The following ZNF28 variants were observed in gnomAD, a reference collection of about 807,000 sequenced individuals.
ZNF28 encodes zinc finger protein 28.
In ZNF28, 5 loss-of-function variants were observed where a neutral mutation model predicts 7.2. That is an observed-to-expected ratio of 0.70 (90% CI 0.36 to 1.46). The LOEUF is 1.46. Among genes scored for constraint, ZNF28 ranks in the 40% most tolerant of loss-of-function variants. The pLI is 0.03. For missense variants in ZNF28, 879 were observed against 866.6 expected (o/e 1.01, Z -0.18); for synonymous variants, 288 against 292.4 (o/e 0.99, Z 0.15).
chr19:52,806,182 C>G (rs2062934654), intron 3 of ZNF28, among the ~76,000 whole-genome samples: 1 of 112,874 alleles, frequency 8.9e-6, no homozygotes, highest in African/African-American at 3.1e-5. Context: ...GTCATTTTTG[C>G]AGGTTACAGA....
rs1290572114 is a variant in ZNF28 at position 52,798,176 on chromosome 19, C to T, written c.*1512G>A. ...GAAAGAAAGAATAGAAATGAAAACA[C>T]AGGCTGGGAAAAGTGGCTCCCGTCT... On this transcript the variant is annotated 3_prime_UTR_variant, in exon 4 of 4. Transcript: ENST00000457749. 3 of 156,930 alleles carry T rather than the reference C, an allele frequency of 1.9e-5. No individual in the cohort carries two copies. Among genetic ancestry groups the T allele is most frequent in the Non-Finnish European group, 4.2e-5 (3 of 71,466 alleles). The allele number at this position is 156,930 out of a possible 1,614,324, so 9.7% of individuals were successfully genotyped here.
At chr19:52,810,234 A>G in intron 2 of ZNF28, 1 of 1,168,630 alleles carries the variant, frequency 8.6e-7, no homozygotes, top group Non-Finnish European at 1.3e-6. Context: ...GAAGCAGAGG[A>G]ATATGAGTCT....
Position 52,811,399 on chromosome 19 carries a change from A to G in ZNF28, c.16-3266T>C, listed in dbSNP as rs1364413869. Among the ~76,000 whole-genome samples, 6 of 133,644 alleles carry G rather than the reference A, an allele frequency of 4.5e-5. 1 individual carries two copies. The highest frequency in any genetic ancestry group is 3.6e-4 in the Admixed American group (5 of 13,968). The allele number at this position is 133,644 out of a possible 152,430, so 87.7% of individuals were successfully genotyped here. ...CCCTCTGCCTGGCTGCCCAGTCTGG[A>G]AAGTGAGGAGCGTCTCTGCCCGGCC... On this transcript the variant is annotated intron_variant, in intron 2 of 3. Transcript: ENST00000457749.
At position 52,809,916 on chromosome 19, in the gene ZNF28, G is replaced by A. The variant is rs370694307; in HGVS notation, c.16-1783C>T. 113 of 845,610 alleles carry A rather than the reference G, an allele frequency of 1.3e-4. No individual in the cohort carries two copies. The African/African-American group carries it at 1.5e-3, about 11-fold the overall frequency. The allele number at this position is 845,610 out of a possible 1,614,324, so 52.4% of individuals were successfully genotyped here. ...GGGGCGGCGCCATCTTGTGCCCGGGGCCGGTGGGGAGGCCGGGGAGGTTGC... is the reference window on the plus strand; with the variant it reads ...GGGGCGGCGCCATCTTGTGCCCGGGACCGGTGGGGAGGCCGGGGAGGTTGC... On this transcript the variant is annotated intron_variant, in intron 2 of 3. Coordinates refer to ENST00000457749, the MANE Select transcript of ZNF28 (RefSeq NM_006969.5).
intron 3 of ZNF28, among the ~76,000 whole-genome samples, chr19:52,804,563 G>T (rs2062913043): frequency 6.6e-6 from 1 of 152,144 alleles, no homozygotes. Context: ...TAGAGACAGG[G>T]TTTCACCATA....
rs1315602286 is a variant in ZNF28, at chr19:52,801,101, A to G, written c.744T>C (p.Tyr248=). The change falls in exon 4 of 4, where the codon TAT becomes TAC. Residue 248 remains tyrosine (Y), a synonymous_variant. Transcript: ENST00000457749. ...ATCGCTTCTGATTAAATACCTTGCC[A>G]TATACATCACATTTACATTGTTTCT... ...LEEKQCKCDV[Y]GKVFNQKRYL... 1.2e-6 allele frequency: 2 copies of G among 1,614,052 alleles called. No homozygotes were observed. Among genetic ancestry groups the G allele is most frequent in the Non-Finnish European group, 1.7e-6 (2 of 1,180,034 alleles).
rs773872975 is a variant in ZNF28 at position 52,801,546 on chromosome 19, T to C, written c.299A>G (p.Gln100Arg). 5 of 1,614,072 alleles carry C rather than the reference T, an allele frequency of 3.1e-6. No individual in the cohort carries two copies. Among genetic ancestry groups the C allele is most frequent in the Admixed American group, 3.3e-5 (2 of 59,998 alleles). Residue 100 changes from glutamine (Q) to arginine (R), a missense_variant, in exon 4 of 4, where the codon CAG becomes CGG. By Grantham distance (43) the Gln-to-Arg change is conservative. Around this residue, in one of 2 missense-constraint regions of ZNF28, gnomAD observed 864 missense variants for 830.2 expected, o/e 1.04. Transcript: ENST00000457749. ...GTCATTTGTTTCATCTTCTTTCCAC[T>C]GAAACTGGAAGCCATGAATGTCTTT... ...IEKDIHGFQF[Q>R]WKEDETNDHA...
At chr19:52,813,712 G>A (rs1163895788) in intron 2 of ZNF28, among the ~76,000 whole-genome samples, 1 of 139,176 alleles carries the variant, frequency 7.2e-6, no homozygotes, top group Admixed American at 7.5e-5. Flanking sequence ...GAGTGTCTTT[G>A]TTTACAGGTT....
intron 3 of ZNF28, among the ~76,000 whole-genome samples, chr19:52,804,631 A>C (rs2062913955): frequency 6.6e-6 from 1 of 152,198 alleles, no homozygotes; most frequent in Non-Finnish European, 1.5e-5. Context: ...GCAGTCTCCC[A>C]AAGTGCCAGG....
chr19:52,811,143 C>G (rs1317974196), intron 2 of ZNF28, among the ~76,000 whole-genome samples: 2 of 150,934 alleles, frequency 1.3e-5, no homozygotes. Flanking sequence ...ATCCGCCAGC[C>G]TCGGCCTCCC....
intron 1 of ZNF28, 142 bp downstream of exon 1, chr19:52,821,444 C>G (rs977572155): frequency 1.3e-5 from 2 of 152,240 alleles, no homozygotes; most frequent in African/African-American, 4.8e-5. Flanking sequence ...GGCTTCCGGA[C>G]TCCCAGTAGA....
chr19:52,805,389 C>G (rs1161576652), intron 3 of ZNF28: 1 of 151,978 alleles, frequency 6.6e-6, no homozygotes, highest in Non-Finnish European at 1.5e-5. Context: ...CTTTGGGAGG[C>G]TGAGGCTGGC....
Position 52,799,429 on chromosome 19 carries a change from C to A in ZNF28, c.*259G>T. The A allele has an allele frequency of 1.4e-6, 1 of 727,806 alleles. No individual in the cohort carries two copies. The highest frequency in any genetic ancestry group is 2.3e-6 in the Non-Finnish European group (1 of 430,526). The allele number at this position is 727,806 out of a possible 1,614,324, so 45.1% of individuals were successfully genotyped here. On this transcript the variant is annotated 3_prime_UTR_variant, in exon 4 of 4. Transcript: ENST00000457749. The stretch of plus-strand genomic sequence containing the variant: ...CAACCGAAAACTTTGTCACATTCTT[C>A]CTATTTGTAAAGTTTCTCTGCAGTA...
At chr19:52,812,933 A>G (rs1032730085) in intron 2 of ZNF28, among the ~76,000 whole-genome samples, 3 of 151,586 alleles carry the variant, frequency 2.0e-5, no homozygotes, top group African/African-American at 7.3e-5. Context: ...TGCTCACTGG[A>G]TAGCAGGTGA....
At chr19:52,812,388 G>C (rs1368123611) in intron 2 of ZNF28, among the ~76,000 whole-genome samples, 1 of 138,416 alleles carries the variant, frequency 7.2e-6, no homozygotes, top group Non-Finnish European at 1.5e-5. Flanking sequence ...GATAGAAGTA[G>C]ACATGGGAGA....
intron 1 of ZNF28, 82 bp from the exon 2 acceptor site, chr19:52,818,113 T>A: frequency 3.7e-6 from 5 of 1,356,442 alleles, no homozygotes; most frequent in Non-Finnish European, 5.0e-6. Flanking sequence ...CAAAGGAGAC[T>A]TCACCTTGAG....
In ZNF28 at chr19:52,798,778, C is replaced by G. The variant is rs756491252; in HGVS notation, c.*910G>C. 55 of 694,518 alleles carry G rather than the reference C, an allele frequency of 7.9e-5. No individual in the cohort carries two copies. Among genetic ancestry groups the G allele is most frequent in the Non-Finnish European group, 1.3e-4 (51 of 407,476 alleles). The allele number at this position is 694,518 out of a possible 1,614,324, so 43.0% of individuals were successfully genotyped here. A position where few individuals can be genotyped will look rare whatever the true frequency, so the allele number is the denominator to read the frequency against. On this transcript the variant is annotated 3_prime_UTR_variant, in exon 4 of 4. Transcript: ENST00000457749. ...CACATTTATTACACTTGTAAGATCT[C>G]TCATTATGGATTCTCCAATGATTTG...
chr19:52,810,844 TCTCCCTCTCCCTCTCCCCCTCCCC>T, intron 2 of ZNF28: 1 of 125,974 alleles, frequency 7.9e-6, no homozygotes, highest in Non-Finnish European at 1.2e-5. Context: ...AAAGAGTCCC[TCTCCCTCTCCCTCTCCCCCTCCCC>T]CTCCCCCTCC....
In ZNF28 at chr19:52,800,014, C is replaced by G. The variant is rs755453951; in HGVS notation, c.1831G>C (p.Glu611Gln). 8 of 1,614,200 alleles carry G rather than the reference C, an allele frequency of 5.0e-6. No homozygotes were observed. Among genetic ancestry groups the G allele is most frequent in the Non-Finnish European group, 5.1e-6 (6 of 1,180,018 alleles). ...GTCTGACGGAAGGTCTTGCCACACT[C>G]ATTACACTTGTAAGGTTTCTCTCCA... is the stretch of plus-strand genomic sequence containing the variant. ...HTGEKPYKCN[E>Q]CGKTFRQTSS... The change falls in exon 4 of 4, where the codon GAG (glutamate) becomes CAG (glutamine). Residue 611 changes from glutamate (E) to glutamine (Q), a missense_variant. Physicochemically the swap from Glu to Gln is conservative, Grantham distance 29. Coordinates refer to ENST00000457749, the MANE Select transcript of ZNF28 (RefSeq NM_006969.5).
Sources: gnomAD v4.1 joint callset for allele counts (sites outside exome capture counted in the v4.1 genomes callset) on GRCh38, gnomAD v4.1.1 for gene constraint, gnomAD v4.1.1 regional missense constraint, MANE v1.5 for transcripts, NCBI Gene and HGNC (gene_info 2026-07-23, HGNC 2026-07-21) for gene names.